The following GFPT2 variants were observed in gnomAD, a reference collection of about 807,000 sequenced individuals.
The protein encoded by GFPT2 is glutamine--fructose-6-phosphate transaminase 2.
A neutral mutation model predicts 85.6 loss-of-function variants in GFPT2; 62 were observed. That is an observed-to-expected ratio of 0.72 (90% CI 0.59 to 0.90). The LOEUF is 0.90. Among genes scored for constraint, GFPT2 ranks in the 40% least tolerant of loss-of-function variants. The probability of loss-of-function intolerance (pLI) is 0.00; values close to 1 mark genes in which losing one functional copy is unlikely to be tolerated. For missense variants in GFPT2, 788 were observed against 893.4 expected, an observed-to-expected ratio of 0.88 and a Z score of 1.50; for synonymous variants, 368 against 344.5, an observed-to-expected ratio of 1.07 and a Z score of -0.75.
chr5:180,327,568 C>T (rs1227669828), intron 7 of GFPT2, among the ~76,000 whole-genome samples: 1 of 152,230 alleles, frequency 6.6e-6, no homozygotes, highest in East Asian at 1.9e-4. Flanking sequence ...CCCTTCTCTG[C>T]CCTCCTGTAC....
At chr5:180,308,292 A>T (rs1404002532) in intron 15 of GFPT2, among the ~76,000 whole-genome samples, 1 of 152,040 alleles carries the variant, frequency 6.6e-6, no homozygotes, top group African/African-American at 2.4e-5. Flanking sequence ...GAAAGAAACT[A>T]ACAATGAGAA....
chr5:180,352,360 G>C (rs760091192), intron 1 of GFPT2: 3 of 345,254 alleles, frequency 8.7e-6, no homozygotes, highest in Admixed American at 4.0e-5. Context: ...AAAAAAAAAA[G>C]AGCACAGTGA....
intron 7 of GFPT2, among the ~76,000 whole-genome samples, chr5:180,326,265 C>G (rs371532661): frequency 6.6e-6 from 1 of 151,282 alleles, no homozygotes; most frequent in East Asian, 1.9e-4. Context: ...CCCCTCTACA[C>G]ATTAATTTAT....
Position 180,318,157 on chromosome 5 carries a change from G to A in GFPT2, c.958+636C>T, listed in dbSNP as rs1219850070. Among the ~76,000 whole-genome samples the A allele has an allele frequency of 3.3e-5, 5 of 152,116 alleles. No individual in the cohort carries two copies. Among genetic ancestry groups the A allele is most frequent in the Admixed American group, 1.3e-4 (2 of 15,282 alleles). On this transcript the variant is annotated intron_variant, in intron 10 of 18. Coordinates refer to ENST00000253778, the MANE Select transcript of GFPT2 (RefSeq NM_005110.4). The surrounding 1 kb of genome is among the most constrained non-coding windows in gnomAD (Gnocchi z 4.2). The stretch of plus-strand genomic sequence containing the variant: ...GAACCAGTCCTATGAGAAGAACAGC[G>A]AATGCAGGGGCTGTGGCGGGGCACA...
intron 13 of GFPT2, among the ~76,000 whole-genome samples, chr5:180,315,168 C>T (rs921882870): frequency 8.6e-5 from 13 of 150,732 alleles, no homozygotes; most frequent in African/African-American, 2.9e-4. Flanking sequence ...CGTGGTCATA[C>T]GTTTTTCTTT....
chr5:180,321,460 C>G (rs1455260280), intron 9 of GFPT2, among the ~76,000 whole-genome samples: 3 of 152,236 alleles, frequency 2.0e-5, no homozygotes, highest in Non-Finnish European at 4.4e-5. Context: ...GACCTGTGCC[C>G]GTGGGCAACA....
intron 10 of GFPT2, among the ~76,000 whole-genome samples, chr5:180,317,497 C>A (rs1411211758): frequency 6.9e-6 from 1 of 145,262 alleles, no homozygotes; most frequent in Non-Finnish European, 1.5e-5. Flanking sequence ...CAGTGGCTCA[C>A]GCCTGTAATC....
chr5:180,351,722 G>A, intron 1 of GFPT2, among the ~76,000 whole-genome samples: 1 of 152,154 alleles, frequency 6.6e-6, no homozygotes, highest in East Asian at 1.9e-4. Context: ...GCTGGAGGAG[G>A]TAGAGCCCCC....
chr5:180,344,849 A>G (rs62404956), intron 1 of GFPT2, among the ~76,000 whole-genome samples: 21,899 of 152,140 alleles, frequency 0.14, 1,860 homozygotes, highest in Non-Finnish European at 0.19. Flanking sequence ...CTGGAAGAGC[A>G]ACGGCCATAA....
intron 1 of GFPT2, among the ~76,000 whole-genome samples, chr5:180,344,104 C>T (rs1764566950): frequency 6.6e-6 from 1 of 152,212 alleles, no homozygotes; most frequent in Non-Finnish European, 1.5e-5. Context: ...GGGCCTTTTA[C>T]AGGCAGCCCT....
At chr5:180,348,089 A>T (rs1764645869) in intron 1 of GFPT2, among the ~76,000 whole-genome samples, 1 of 152,090 alleles carries the variant, frequency 6.6e-6, no homozygotes, top group South Asian at 2.1e-4. Flanking sequence ...CCCCTCAGAG[A>T]TCTGTCTTTC....
intron 2 of GFPT2, among the ~76,000 whole-genome samples, chr5:180,337,453 GAAA>G (rs35211599): frequency 1.0e-5 from 1 of 99,392 alleles, no homozygotes; most frequent in African/African-American, 3.9e-5. Flanking sequence ...ACTCCATCTC[GAAA>G]AAAAAAAAAA....
At chr5:180,324,506 G>A in intron 8 of GFPT2, 1 of 585,112 alleles carries the variant, frequency 1.7e-6, no homozygotes, top group South Asian at 2.2e-5. Context: ...CAGTGTGAGA[G>A]GAATGCAAAC....
At chr5:180,305,196 T>C (rs1031113876) in intron 16 of GFPT2, among the ~76,000 whole-genome samples, 3 of 152,148 alleles carry the variant, frequency 2.0e-5, no homozygotes, top group African/African-American at 7.2e-5. Flanking sequence ...CCCCGGGCAC[T>C]GCTGTTGTCT....
chr5:180,321,659 C>T (rs1231786288), intron 9 of GFPT2, among the ~76,000 whole-genome samples: 1 of 152,270 alleles, frequency 6.6e-6, no homozygotes, highest in Admixed American at 6.5e-5. Context: ...GGCCACCTGC[C>T]ATTCCTTTCT....
chr5:180,352,418 C>T (rs1022381700), intron 1 of GFPT2: 4 of 454,848 alleles, frequency 8.8e-6, no homozygotes, highest in African/African-American at 2.0e-5. Flanking sequence ...CCAGCGGAGG[C>T]GGCCCAGCCA....
intron 1 of GFPT2, among the ~76,000 whole-genome samples, chr5:180,348,962 G>A (rs1229800437): frequency 2.0e-5 from 3 of 151,184 alleles, no homozygotes; most frequent in African/African-American, 7.3e-5. Flanking sequence ...GGATGGTCTC[G>A]ATCTCCTGAC....
chr5:180,305,078 G>A, intron 16 of GFPT2, 139 bp from the exon 17 acceptor site: 1 of 683,016 alleles, frequency 1.5e-6, no homozygotes. Flanking sequence ...ACAGATGCCT[G>A]GAGTGCTTGA....
At chr5:180,352,237 C>T (rs1561886842) in intron 1 of GFPT2, 3 of 362,636 alleles carry the variant, frequency 8.3e-6, no homozygotes, top group Admixed American at 3.7e-5. Context: ...CACCCCACCC[C>T]GGCCCTCAGC....
Sources: allele counts gnomAD v4.1 joint callset (sites outside exome capture counted in the v4.1 genomes callset), GRCh38; gene constraint gnomAD v4.1.1; non-coding constraint Gnocchi (gnomAD v3.1); transcripts MANE v1.5; gene names NCBI Gene and HGNC (gene_info 2026-07-23, HGNC 2026-07-21).